RBPJ: variants seen among roughly 807,000 people sequenced by gnomAD.
RBPJ encodes recombining binding protein suppressor of hairless.
A neutral mutation model predicts 67.8 loss-of-function variants in RBPJ; 9 were observed. The observed-to-expected ratio is 0.13, with a 90% CI of 0.08 to 0.23. The LOEUF (loss-of-function observed/expected upper bound fraction) is 0.23. Among genes scored for constraint, RBPJ ranks in the 10% least tolerant of loss-of-function variants. The probability of loss-of-function intolerance (pLI) is 1.00; values close to 1 mark genes in which losing one functional copy is unlikely to be tolerated. For missense variants in RBPJ, 305 were observed against 595.6 expected (o/e 0.51, Z 5.08); for synonymous variants, 198 against 203.3 (o/e 0.97, Z 0.22).
chr4:26,316,913 A>C (rs997026690), upstream of RBPJ, among the ~76,000 whole-genome samples: 1 of 130,222 alleles, frequency 7.7e-6, no homozygotes, highest in Non-Finnish European at 1.5e-5. Flanking sequence ...TAGGCAGGCT[A>C]GTACTCACTG....
At chr4:26,222,717 T>G (rs193116688) in intron 1 of RBPJ, among the ~76,000 whole-genome samples, 26 of 149,124 alleles carry the variant, frequency 1.7e-4, no homozygotes, top group African/African-American at 6.2e-4. Context: ...AACAAGTGAA[T>G]GAATAAATGA....
intron 7 of RBPJ, among the ~76,000 whole-genome samples, chr4:26,425,488 T>C: frequency 6.6e-6 from 1 of 151,304 alleles, no homozygotes; most frequent in East Asian, 1.9e-4. Context: ...GGCATGGTGG[T>C]GCACACCTGT....
At chr4:26,341,952 GA>G (rs1187245462) in intron 1 of RBPJ, among the ~76,000 whole-genome samples, 1 of 152,206 alleles carries the variant, frequency 6.6e-6, no homozygotes, top group Non-Finnish European at 1.5e-5. Context: ...GAATAGCCAA[GA>G]AGGGATGGGA....
In RBPJ at chr4:26,203,004, AGG is replaced by A. The variant is rs1491445601; in HGVS notation, c.-167+39391_-167+39392del. Among the ~76,000 whole-genome samples the A allele has an allele frequency of 4.7e-3, 688 of 147,442 alleles. 4 individuals are homozygous for A. The highest frequency in any genetic ancestry group is 0.014 in the Middle Eastern group (4 of 292). On this transcript the variant is annotated intron_variant, in intron 1 of 4. Coordinates refer to the RBPJ transcript ENST00000512351. ...AAGGAAGGAAGGAAGGAAGGAAGGA[AGG>A]AAAAAAGAAAAGAAAAGAGAAGAAA...
At chr4:26,200,190 C>T (rs923726916) in intron 1 of RBPJ, among the ~76,000 whole-genome samples, 10 of 152,164 alleles carry the variant, frequency 6.6e-5, no homozygotes, top group Non-Finnish European at 1.0e-4. Flanking sequence ...CAAAGTCCTT[C>T]GTCCTTATTT....
At chr4:26,420,777 C>A in intron 5 of RBPJ, 52 bp downstream of exon 5, 3 of 1,419,972 alleles carry the variant, frequency 2.1e-6, no homozygotes, top group South Asian at 1.5e-5. Flanking sequence ...ATTAATAAGA[C>A]AGACTCTTTT....
At chr4:26,307,127 A>T (rs188659882) in intron 1 of RBPJ, among the ~76,000 whole-genome samples, 2 of 152,320 alleles carry the variant, frequency 1.3e-5, no homozygotes, top group African/African-American at 4.8e-5. Flanking sequence ...TGTGTAAATC[A>T]TACCCTCCGA....
At chr4:26,405,227 G>T (rs1051775110) in intron 2 of RBPJ, among the ~76,000 whole-genome samples, 1 of 152,166 alleles carries the variant, frequency 6.6e-6, no homozygotes, top group Non-Finnish European at 1.5e-5. Flanking sequence ...TACTTAGTGT[G>T]TAAGTGCTGT....
chr4:26,300,785 G>T (rs888373390), intron 1 of RBPJ, among the ~76,000 whole-genome samples: 1 of 152,168 alleles, frequency 6.6e-6, no homozygotes, highest in African/African-American at 2.4e-5. Context: ...GGGTGTTCAG[G>T]AAATTCTTCT....
At chr4:26,150,380 G>A in the RBPJ span, among the ~76,000 whole-genome samples, 7 of 152,286 alleles carry the variant, frequency 4.6e-5, no homozygotes, top group South Asian at 1.5e-3. Flanking sequence ...TGGAAACCAG[G>A]CCTTTTCACC....
chr4:26,362,525 A>T, intron 1 of RBPJ: 1 of 1,587,626 alleles, frequency 6.3e-7, no homozygotes, highest in Non-Finnish European at 8.5e-7. Flanking sequence ...ACGAAAGGAG[A>T]ATGATACAGA....
chr4:26,236,972 T>C (rs1423688200), intron 1 of RBPJ, among the ~76,000 whole-genome samples: 1 of 152,114 alleles, frequency 6.6e-6, no homozygotes, highest in African/African-American at 2.4e-5. Context: ...TGTGAAATGC[T>C]TGAGCCCACA....
At chr4:26,271,800 T>C (rs1246438956) in intron 1 of RBPJ, among the ~76,000 whole-genome samples, 1 of 152,192 alleles carries the variant, frequency 6.6e-6, no homozygotes, top group African/African-American at 2.4e-5. Context: ...CCCATGAGTC[T>C]TCAACATACA....
chr4:26,162,233 C>A (rs1248926341), upstream of RBPJ, among the ~76,000 whole-genome samples: 1 of 152,212 alleles, frequency 6.6e-6, no homozygotes, highest in Non-Finnish European at 1.5e-5. Context: ...ACAGGGTGGT[C>A]ACAGAGGCCT....
chr4:26,284,076 G>A (rs1337758223), intron 1 of RBPJ, among the ~76,000 whole-genome samples: 2 of 152,168 alleles, frequency 1.3e-5, no homozygotes, highest in African/African-American at 2.4e-5. Flanking sequence ...ATTAAATATG[G>A]TAGTGGTTAT....
intron 1 of RBPJ, chr4:26,321,377 C>T (rs1445675211): frequency 6.6e-6 from 1 of 152,026 alleles, no homozygotes; most frequent in Non-Finnish European, 1.5e-5. Flanking sequence ...GGGCCCCGTG[C>T]ATCTTTGTTC....
intron 1 of RBPJ, among the ~76,000 whole-genome samples, chr4:26,194,019 A>G (rs1717664997): frequency 6.6e-6 from 1 of 152,182 alleles, no homozygotes; most frequent in South Asian, 2.1e-4. Flanking sequence ...CCTTCAGGCT[A>G]ATTCTATCCA....
At chr4:26,163,237 G>A (rs1389887617), upstream of RBPJ, among the ~76,000 whole-genome samples, 1 of 152,126 alleles carries the variant, frequency 6.6e-6, no homozygotes, top group African/African-American at 2.4e-5. Flanking sequence ...TGCCTTTGGT[G>A]ATTTGTTTTG....
intron 2 of RBPJ, among the ~76,000 whole-genome samples, chr4:26,402,047 C>T (rs768044665): frequency 6.6e-6 from 1 of 151,932 alleles, no homozygotes; most frequent in Non-Finnish European, 1.5e-5. Flanking sequence ...TGCCACCATG[C>T]CTGGCTAATT....
Sources: gnomAD v4.1 joint callset for allele counts (sites outside exome capture counted in the v4.1 genomes callset) on GRCh38, gnomAD v4.1.1 for gene constraint, MANE v1.5 for transcripts, NCBI Gene and HGNC (gene_info 2026-07-23, HGNC 2026-07-21) for gene names.